The following IDH3A variants were observed in gnomAD, a reference collection of about 807,000 sequenced individuals.
The protein encoded by IDH3A is isocitrate dehydrogenase [NAD] subunit alpha, mitochondrial.
IDH3A carries 23 observed loss-of-function variants against 43.3 expected under a neutral mutation model. That is an observed-to-expected ratio of 0.53 (90% CI 0.38 to 0.75). IDH3A has a LOEUF of 0.75. Ranked by LOEUF, IDH3A falls within the 30% of genes least tolerant of loss-of-function variation. The pLI, the probability that IDH3A is intolerant of heterozygous loss-of-function variation, is 0.00. For synonymous variants in IDH3A, 154 were observed against 163.5 expected, an observed-to-expected ratio of 0.94 and a Z score of 0.44; for missense variants, 329 against 474.4, an observed-to-expected ratio of 0.69 and a Z score of 2.85.
At chr15:78,153,218 A>C (rs971851489) in intron 1 of IDH3A, among the ~76,000 whole-genome samples, 1 of 152,136 alleles carries the variant, frequency 6.6e-6, no homozygotes, top group Admixed American at 6.6e-5. Context: ...GCTCAAGCCG[A>C]CTTAGCCTCC....
rs2074740860 is a variant in IDH3A, at chr15:78,166,212, C to T, written c.927C>T (p.Leu309=). Residue 309 remains leucine (L), a synonymous_variant, in exon 10 of 11, where the codon CTC becomes CTT. Coordinates refer to ENST00000299518, the MANE Select transcript of IDH3A (RefSeq NM_005530.3). ...TGGCGAATCCCACAGCCCTCCTGCTCAGTGCCGTGATGATGCTGCGCCACA... is the reference window on the plus strand; with the variant it reads ...TGGCGAATCCCACAGCCCTCCTGCTTAGTGCCGTGATGATGCTGCGCCACA... ...KDMANPTALL[L]SAVMMLRHMG... The T allele has an allele frequency of 1.9e-6, 3 of 1,614,066 alleles. No homozygotes were observed. Among genetic ancestry groups the T allele is most frequent in the Non-Finnish European group, 2.5e-6 (3 of 1,179,910 alleles).
At chr15:78,155,156 G>T in intron 1 of IDH3A, 57 bp from the exon 2 acceptor site, 1 of 1,299,866 alleles carries the variant, frequency 7.7e-7, no homozygotes, top group Non-Finnish European at 1.1e-6. Context: ...CCTCGCTCTT[G>T]TTTACTGTAT....
At chr15:78,153,294 T>C (rs762083907) in intron 1 of IDH3A, among the ~76,000 whole-genome samples, 37 of 152,222 alleles carry the variant, frequency 2.4e-4, no homozygotes, top group Non-Finnish European at 5.0e-4. Context: ...AGGGTCTCAC[T>C]TTGTTGCACA....
chr15:78,149,519 G>A, intron 1 of IDH3A, 89 bp downstream of exon 1: 3 of 1,224,006 alleles, frequency 2.5e-6, no homozygotes, highest in Non-Finnish European at 3.3e-6. Context: ...GGGCGGGCGC[G>A]TGGGCCAGAC....
chr15:78,157,387 C>A, intron 2 of IDH3A, 161 bp from the exon 3 acceptor site: 1 of 629,456 alleles, frequency 1.6e-6, no homozygotes, highest in Non-Finnish European at 2.6e-6. Context: ...TGATTCCTGC[C>A]TCCCCTTTGA....
rs1418731943 is a variant in IDH3A, at chr15:78,171,411, C to G, written c.*2406C>G. Reference sequence around the variant, plus strand: ...GGAAGAGGCTCGGAACGCCTGCCCTCTATTCTATAGAAACTGCAGGCATAG... The same window carrying G: ...GGAAGAGGCTCGGAACGCCTGCCCTGTATTCTATAGAAACTGCAGGCATAG... On this transcript the variant is annotated 3_prime_UTR_variant, in exon 11 of 11. Transcript: ENST00000299518. The G allele has an allele frequency of 3.2e-6, 5 of 1,584,872 alleles. No homozygotes were observed. The highest frequency in any genetic ancestry group is 1.7e-4 in the Middle Eastern group (1 of 5,994).
At chr15:78,163,327 A>C in intron 6 of IDH3A, 180 bp from the exon 7 acceptor site, 1 of 558,380 alleles carries the variant, frequency 1.8e-6, no homozygotes, top group East Asian at 2.9e-5. Flanking sequence ...TTTCAGAAGG[A>C]TCCTAAAACA....
intron 3 of IDH3A, among the ~76,000 whole-genome samples, chr15:78,157,992 C>T (rs908358832): frequency 1.1e-4 from 17 of 152,012 alleles, no homozygotes; most frequent in African/African-American, 3.6e-4. Flanking sequence ...AGTTTAAACT[C>T]CTGCATTGGC....
At chr15:78,163,436 T>TA in intron 6 of IDH3A, 71 bp from the exon 7 acceptor site, 1 of 1,084,068 alleles carries the variant, frequency 9.2e-7, no homozygotes, top group East Asian at 2.4e-5. Context: ...GAACTTACTT[T>TA]ACTTCTTTGA....
Position 78,166,029 on chromosome 15 carries a change from C to T in IDH3A, c.865-121C>T, listed in dbSNP as rs555222769. The T allele has an allele frequency of 8.9e-6, 8 of 899,998 alleles. No individual in the cohort carries two copies. The East Asian group carries it at 1.7e-4, about 19-fold the overall frequency. The allele number at this position is 899,998 out of a possible 1,614,324, so 55.8% of individuals were successfully genotyped here. On this transcript the variant is annotated intron_variant, in intron 9 of 10. Transcript: ENST00000299518. ...CAGTCCATATCAGATGAATTGCACG[C>T]AGTAGCTTTCAGTGCATATTTTGTA...
intron 1 of IDH3A, among the ~76,000 whole-genome samples, chr15:78,151,911 T>A (rs1203274966): frequency 1.3e-5 from 2 of 151,894 alleles, no homozygotes; most frequent in African/African-American, 2.4e-5. Context: ...ACATTTAAAA[T>A]TTTTTTTGTA....
intron 1 of IDH3A, among the ~76,000 whole-genome samples, chr15:78,153,455 G>A (rs1022385734): frequency 5.9e-5 from 9 of 152,298 alleles, no homozygotes; most frequent in African/African-American, 1.9e-4. Flanking sequence ...TAGCCCACTC[G>A]CTGGTGGATG....
chr15:78,167,313 G>A (rs2074755986), intron 10 of IDH3A, among the ~76,000 whole-genome samples: 2 of 152,122 alleles, frequency 1.3e-5, no homozygotes, highest in Admixed American at 1.3e-4. Context: ...ATATGTCCAA[G>A]GTTTTACAGC....
At chr15:78,153,150 G>T (rs531658366) in intron 1 of IDH3A, among the ~76,000 whole-genome samples, 6 of 152,104 alleles carry the variant, frequency 3.9e-5, no homozygotes, top group African/African-American at 1.4e-4. Flanking sequence ...AGGCTGGAGT[G>T]CAGTGGCATA....
At chr15:78,150,842 GTGA>G (rs1426858438) in intron 1 of IDH3A, 2 of 152,294 alleles carry the variant, frequency 1.3e-5, no homozygotes, top group African/African-American at 2.4e-5. Context: ...AGATTTGCTT[GTGA>G]TGATAACTCT....
chr15:78,169,077 C>A lies in IDH3A; in HGVS notation c.*72C>A. 2.3e-6 allele frequency: 2 copies of A among 863,230 alleles called. No individual in the cohort carries two copies. The highest frequency in any genetic ancestry group is 2.1e-5 in the Admixed American group (1 of 48,424). 53.5% of individuals were successfully genotyped at this position (863,230 alleles called of 1,614,324 possible). ...CATGAACCTCTGTTTAGAATACCTA[C>A]GTATGTATGCATTGGTTTGCTTGTT... On this transcript the variant is annotated 3_prime_UTR_variant, in exon 11 of 11. Coordinates refer to ENST00000299518, the MANE Select transcript of IDH3A (RefSeq NM_005530.3).
At chr15:78,158,179 T>C (rs2074642559) in intron 3 of IDH3A, among the ~76,000 whole-genome samples, 1 of 152,038 alleles carries the variant, frequency 6.6e-6, no homozygotes, top group Admixed American at 6.6e-5. Flanking sequence ...TGAAATAATC[T>C]CTTTAAAATA....
chr15:78,157,220 T>C, intron 2 of IDH3A: 1 of 1,033,674 alleles, frequency 9.7e-7, no homozygotes, highest in Non-Finnish European at 1.2e-6. Context: ...AGATTTGAAT[T>C]AATTGGTCTC....
rs548360538 is a variant in IDH3A, at chr15:78,161,933, G to A, written c.477+165G>A. Among the ~76,000 whole-genome samples the A allele has an allele frequency of 3.9e-5, 6 of 152,148 alleles. No homozygotes were observed. Among genetic ancestry groups the A allele is most frequent in the South Asian group, 2.1e-4 (1 of 4,816 alleles). ...AAACAAATGTAAGGCATGGTGGTTC[G>A]CGTCACAAGCTTGGGAATATGCCCT... On this transcript the variant is annotated intron_variant, in intron 5 of 10. Transcript: ENST00000299518. The surrounding 1 kb of genome is among the most constrained non-coding windows in gnomAD (Gnocchi z 4.8).
Sources: gnomAD v4.1 joint callset for allele counts (sites outside exome capture counted in the v4.1 genomes callset) on GRCh38, gnomAD v4.1.1 for gene constraint, Gnocchi (gnomAD v3.1) non-coding constraint, MANE v1.5 for transcripts, NCBI Gene and HGNC (gene_info 2026-07-23, HGNC 2026-07-21) for gene names.